RALGAPA2: variants seen among roughly 807,000 people sequenced by gnomAD.
The protein encoded by RALGAPA2 is Ral GTPase activating protein catalytic subunit alpha 2.
Under a neutral mutation model 230.4 loss-of-function variants are expected in RALGAPA2, and 139 were observed. The ratio of observed to expected loss-of-function variants is 0.60; its 90% CI spans 0.53 to 0.69. RALGAPA2 has a LOEUF of 0.69. Among genes scored for constraint, RALGAPA2 ranks in the 30% least tolerant of loss-of-function variants. The pLI, the probability that RALGAPA2 is intolerant of heterozygous loss-of-function variation, is 0.00. For missense variants in RALGAPA2, 2,163 were observed against 2,276.0 expected, an observed-to-expected ratio of 0.95 and a Z score of 1.01; for synonymous variants, 847 against 837.8, an observed-to-expected ratio of 1.01 and a Z score of -0.19.
At chr20:20,584,780 C>T in intron 19 of RALGAPA2, 85 bp downstream of exon 19, 1 of 1,079,058 alleles carries the variant, frequency 9.3e-7, no homozygotes, top group Non-Finnish European at 1.3e-6. Context: ...GACTGAGTCT[C>T]TAATAATAAT....
intron 36 of RALGAPA2, among the ~76,000 whole-genome samples, chr20:20,488,230 T>G (rs1436774017): frequency 6.6e-6 from 1 of 152,226 alleles, no homozygotes; most frequent in Non-Finnish European, 1.5e-5. Context: ...TATTTCCAAA[T>G]GACTGCTTTC....
In RALGAPA2 at chr20:20,605,428, C is replaced by CA; in HGVS notation, c.1801-17dup. The CA allele has an allele frequency of 6.4e-7, 1 of 1,554,830 alleles. No homozygotes were observed. Among genetic ancestry groups the CA allele is most frequent in the East Asian group, 2.3e-5 (1 of 44,226 alleles). On this transcript the variant is annotated splice_polypyrimidine_tract_variant and intron_variant, in intron 14 of 39. Coordinates refer to ENST00000202677, the MANE Select transcript of RALGAPA2 (RefSeq NM_020343.4). ...CCATGAGCGTCTAAAACCAACCAAC[C>CA]AACAAGAGAATTCACACATCTTCAT...
At chr20:20,395,904 C>T (rs140969993) in intron 39 of RALGAPA2, among the ~76,000 whole-genome samples, 11 of 152,376 alleles carry the variant, frequency 7.2e-5, no homozygotes, top group Admixed American at 2.0e-4. Context: ...AACGGCAGCT[C>T]GCTCACTTGC....
At chr20:20,675,443 C>T (rs2068285617) in intron 3 of RALGAPA2, among the ~76,000 whole-genome samples, 2 of 152,162 alleles carry the variant, frequency 1.3e-5, no homozygotes, top group Non-Finnish European at 2.9e-5. Flanking sequence ...CACCTGCTCA[C>T]ATTAGGCCTT....
chr20:20,467,553 T>A (rs975094002), intron 37 of RALGAPA2, among the ~76,000 whole-genome samples: 1 of 152,112 alleles, frequency 6.6e-6, no homozygotes, highest in Non-Finnish European at 1.5e-5. Flanking sequence ...GGAGCTTAGG[T>A]GCAAGAGCCA....
intron 39 of RALGAPA2, among the ~76,000 whole-genome samples, chr20:20,394,331 T>G (rs367561379): frequency 3.4e-4 from 52 of 152,244 alleles, no homozygotes; most frequent in Admixed American, 7.8e-4. Context: ...GCCTCCCTTC[T>G]TCTAGGCTCA....
intron 16 of RALGAPA2, chr20:20,598,866 C>A (rs763057228): frequency 2.0e-4 from 81 of 413,768 alleles, no homozygotes; most frequent in African/African-American, 1.5e-3. Context: ...AACAATAGGA[C>A]CTTTCACTTT....
intron 20 of RALGAPA2, among the ~76,000 whole-genome samples, chr20:20,579,146 A>G (rs979374691): frequency 8.5e-5 from 13 of 152,328 alleles, no homozygotes; most frequent in Admixed American, 7.2e-4. Flanking sequence ...TAACATTTGG[A>G]TGCAAGACTG....
At chr20:20,461,771 G>GC (rs1008132595) in intron 37 of RALGAPA2, among the ~76,000 whole-genome samples, 1 of 152,230 alleles carries the variant, frequency 6.6e-6, no homozygotes, top group African/African-American at 2.4e-5. Flanking sequence ...CAGCAAGCCT[G>GC]CCCTACCCTT....
chr20:20,651,375 C>T (rs2067391037), intron 4 of RALGAPA2, among the ~76,000 whole-genome samples: 1 of 152,176 alleles, frequency 6.6e-6, no homozygotes, highest in South Asian at 2.1e-4. Flanking sequence ...ATTTTACATG[C>T]AAATGCTCAT....
At chr20:20,618,901 A>T (rs185306533) in intron 12 of RALGAPA2, among the ~76,000 whole-genome samples, 4 of 152,244 alleles carry the variant, frequency 2.6e-5, no homozygotes, top group Non-Finnish European at 5.9e-5. Context: ...AATATTACTT[A>T]TAAGATTTTA....
chr20:20,541,195 C>A (rs1172777243), intron 24 of RALGAPA2, among the ~76,000 whole-genome samples: 1 of 151,504 alleles, frequency 6.6e-6, no homozygotes, highest in Non-Finnish European at 1.5e-5. Context: ...ATTTGCATTT[C>A]CCTGGTGATC....
intron 4 of RALGAPA2, among the ~76,000 whole-genome samples, chr20:20,652,292 T>G (rs751885086): frequency 2.6e-5 from 4 of 152,124 alleles, no homozygotes; most frequent in African/African-American, 4.8e-5. Context: ...AGAAAACCCT[T>G]TCCAAACTGC....
At position 20,521,057 on chromosome 20, in the gene RALGAPA2, T is replaced by C. The variant is rs2145443468; in HGVS notation, c.3944A>G (p.Gln1315Arg). Reference protein sequence around the residue: ...CVCGSSTYTQQSHYILTLADL... With the variant: ...CVCGSSTYTQRSHYILTLADL... ...AGCCAGGGTCAGTATGTAGTGACTC[T>C]GTTGGGTGTACGTGCTTGAGCCACA... Residue 1315 changes from glutamine to arginine, a missense_variant, in exon 31 of 40, where the codon CAG becomes CGG. Gln to Arg is a conservative substitution (Grantham distance 43, BLOSUM62 1). Coordinates refer to ENST00000202677, the MANE Select transcript of RALGAPA2 (RefSeq NM_020343.4). 1.9e-6 allele frequency: 3 copies of C among 1,613,798 alleles called. No homozygotes were observed. The highest frequency in any genetic ancestry group is 2.5e-6 in the Non-Finnish European group (3 of 1,179,760).
At position 20,511,299 on chromosome 20, in the gene RALGAPA2, T is replaced by C; in HGVS notation, c.4883A>G (p.Asn1628Ser). 1.3e-6 allele frequency: 2 copies of C among 1,563,822 alleles called. No homozygotes were observed. The highest frequency in any genetic ancestry group is 1.7e-6 in the Non-Finnish European group (2 of 1,153,146). ...RRKNFHLLKK[N>S]SKLLRELKNL... ...TTTCAGCTCTCTCAATAATTTTGAA[T>C]TTTTCTTCAATAGATGAAAATTCTT... Residue 1628 changes from asparagine to serine, a missense_variant, in exon 33 of 40, where the codon AAT (asparagine) becomes AGT (serine). Coordinates refer to ENST00000202677, the MANE Select transcript of RALGAPA2 (RefSeq NM_020343.4).
intron 31 of RALGAPA2, among the ~76,000 whole-genome samples, chr20:20,519,386 C>G (rs1175941510): frequency 6.6e-6 from 1 of 152,190 alleles, no homozygotes; most frequent in African/African-American, 2.4e-5. Context: ...GTGCTGCAAG[C>G]ATACCCCTGG....
At chr20:20,651,918 T>C (rs1209885142) in intron 4 of RALGAPA2, among the ~76,000 whole-genome samples, 2 of 152,220 alleles carry the variant, frequency 1.3e-5, no homozygotes, top group Non-Finnish European at 2.9e-5. Flanking sequence ...CTTTGGATTA[T>C]ACCTTACATT....
chr20:20,516,860 C>G (rs1387958594), intron 31 of RALGAPA2, among the ~76,000 whole-genome samples: 3 of 152,200 alleles, frequency 2.0e-5, no homozygotes, highest in Non-Finnish European at 4.4e-5. Flanking sequence ...CAAGGGAACA[C>G]CCCATGGGAC....
At chr20:20,491,992 C>A (rs1232629567) in intron 36 of RALGAPA2, among the ~76,000 whole-genome samples, 1 of 152,042 alleles carries the variant, frequency 6.6e-6, no homozygotes, top group Non-Finnish European at 1.5e-5. Flanking sequence ...CGGATTCTGC[C>A]AGGCACATAA....
Sources: allele counts gnomAD v4.1 joint callset (sites outside exome capture counted in the v4.1 genomes callset), GRCh38; gene constraint gnomAD v4.1.1; transcripts MANE v1.5; gene names NCBI Gene and HGNC (gene_info 2026-07-23, HGNC 2026-07-21).